The following CAMK2D variants were observed in gnomAD, a reference collection of about 807,000 sequenced individuals.
CAMK2D encodes the protein calcium/calmodulin-dependent protein kinase type II subunit delta.
CAMK2D carries 37 observed loss-of-function variants against 84.0 expected under a neutral mutation model. That is an observed-to-expected ratio of 0.44 (90% confidence interval 0.34 to 0.58). CAMK2D has a LOEUF of 0.58. Ranked by LOEUF, CAMK2D falls within the 20% of genes least tolerant of loss-of-function variation. CAMK2D has a pLI of 0.02. For synonymous variants in CAMK2D, 202 were observed against 212.5 expected, an observed-to-expected ratio of 0.95 and a Z score of 0.43; for missense variants, 448 against 652.5, an observed-to-expected ratio of 0.69 and a Z score of 3.41.
intron 7 of CAMK2D, 38 bp downstream of exon 7, chr4:113,537,300 CAGA>C: frequency 2.0e-6 from 2 of 1,024,532 alleles, no homozygotes; most frequent in Non-Finnish European, 1.5e-6. Context: ...ATTCAGAAGC[CAGA>C]AGACTATAGG....
intron 4 of CAMK2D, among the ~76,000 whole-genome samples, chr4:113,583,487 T>G (rs1407304112): frequency 8.6e-5 from 13 of 151,470 alleles, no homozygotes; most frequent in Admixed American, 8.5e-4. Context: ...AGTTGCAACT[T>G]GGACTCAACT....
At chr4:113,674,244 G>C (rs1377493733) in intron 2 of CAMK2D, among the ~76,000 whole-genome samples, 3 of 152,010 alleles carry the variant, frequency 2.0e-5, no homozygotes, top group African/African-American at 7.2e-5. Flanking sequence ...TATTGATTCT[G>C]ATATTGAATT....
intron 2 of CAMK2D, among the ~76,000 whole-genome samples, chr4:113,753,229 T>C (rs1159563988): frequency 6.6e-6 from 1 of 152,034 alleles, no homozygotes. Flanking sequence ...CTTGTAAATA[T>C]ATACTTATTG....
In CAMK2D at chr4:113,718,684, C is replaced by A. The variant is rs2099521160; in HGVS notation, c.160+40636G>T. On this transcript the variant is annotated intron_variant, in intron 2 of 20. Transcript: ENST00000511664. ...GGCTGTTTTCATCTTTGTTTCACAG[C>A]TAAACTATAAACTAAGTTCCTCCCG... Among the ~76,000 whole-genome samples the A allele has an allele frequency of 2.0e-5, 3 of 152,206 alleles. No individual in the cohort carries two copies. The South Asian group carries it at 6.2e-4, about 31-fold the overall frequency.
chr4:113,504,842 AAAAAC>A (rs1023475867), intron 14 of CAMK2D, 129 bp downstream of exon 14: 6 of 368,384 alleles, frequency 1.6e-5, no homozygotes, highest in Non-Finnish European at 2.4e-5. Flanking sequence ...AAAAAAAAAA[AAAAAC>A]AAAACCCAAC....
intron 4 of CAMK2D, among the ~76,000 whole-genome samples, chr4:113,576,257 C>T (rs757131737): frequency 2.0e-5 from 3 of 152,124 alleles, no homozygotes; most frequent in Non-Finnish European, 4.4e-5. Flanking sequence ...TGAAAATCTA[C>T]ATTCACAGAT....
chr4:113,591,326 C>A (rs1240126705), intron 4 of CAMK2D, among the ~76,000 whole-genome samples: 1 of 152,114 alleles, frequency 6.6e-6, no homozygotes, highest in Non-Finnish European at 1.5e-5. Context: ...TTTCTCTAAT[C>A]AGATTATTGT....
At chr4:113,595,888 C>A (rs556624844) in intron 4 of CAMK2D, among the ~76,000 whole-genome samples, 1 of 152,032 alleles carries the variant, frequency 6.6e-6, no homozygotes, top group Non-Finnish European at 1.5e-5. Flanking sequence ...GGGTGGCTGT[C>A]GTAGGTTCTT....
At chr4:113,658,208 A>G (rs778083784) in intron 3 of CAMK2D, among the ~76,000 whole-genome samples, 10 of 152,264 alleles carry the variant, frequency 6.6e-5, no homozygotes, top group Middle Eastern at 3.4e-3. Context: ...CACTGTTGTT[A>G]TTGATGTTTT....
At chr4:113,653,401 T>A (rs1309122480) in intron 3 of CAMK2D, among the ~76,000 whole-genome samples, 1 of 152,086 alleles carries the variant, frequency 6.6e-6, no homozygotes, top group Non-Finnish European at 1.5e-5. Context: ...TGCTTTTTGC[T>A]ACTAAATAGT....
chr4:113,696,658 C>T (rs1402810055), intron 2 of CAMK2D, among the ~76,000 whole-genome samples: 1 of 152,048 alleles, frequency 6.6e-6, no homozygotes, highest in Non-Finnish European at 1.5e-5. Flanking sequence ...ACACAGAAGC[C>T]GCACAGTAAT....
intron 6 of CAMK2D, among the ~76,000 whole-genome samples, chr4:113,539,533 G>A (rs559094501): frequency 1.3e-5 from 2 of 152,334 alleles, no homozygotes; most frequent in Non-Finnish European, 2.9e-5. Context: ...TGTGCCTCAA[G>A]CACCAAGTAT....
chr4:113,494,983 C>G (rs539828284), intron 16 of CAMK2D, among the ~76,000 whole-genome samples: 2 of 152,220 alleles, frequency 1.3e-5, no homozygotes, highest in Non-Finnish European at 2.9e-5. Flanking sequence ...GAGGCAATGC[C>G]TTGCCCTGCT....
intron 4 of CAMK2D, among the ~76,000 whole-genome samples, chr4:113,597,274 A>C (rs553653152): frequency 6.6e-6 from 1 of 152,358 alleles, no homozygotes; most frequent in South Asian, 2.1e-4. Flanking sequence ...ATCTTCCTCC[A>C]ATAGAAGATT....
At chr4:113,647,286 A>G (rs777637713) in intron 3 of CAMK2D, among the ~76,000 whole-genome samples, 1 of 152,238 alleles carries the variant, frequency 6.6e-6, no homozygotes, top group Non-Finnish European at 1.5e-5. Flanking sequence ...TGCTTACCGT[A>G]CAATTTCTAT....
At chr4:113,487,692 G>A (rs773075417) in intron 16 of CAMK2D, among the ~76,000 whole-genome samples, 13 of 151,978 alleles carry the variant, frequency 8.6e-5, no homozygotes, top group African/African-American at 1.4e-4. Flanking sequence ...TGGATATTCA[G>A]GTTGGTGAAC....
At chr4:113,594,513 T>C (rs892010970) in intron 4 of CAMK2D, among the ~76,000 whole-genome samples, 1 of 152,082 alleles carries the variant, frequency 6.6e-6, no homozygotes, top group Non-Finnish European at 1.5e-5. Flanking sequence ...AGGGCTTTAA[T>C]GGAAAAAATA....
intron 16 of CAMK2D, among the ~76,000 whole-genome samples, chr4:113,485,024 G>A (rs954323619): frequency 2.0e-5 from 3 of 152,070 alleles, no homozygotes; most frequent in Non-Finnish European, 4.4e-5. Context: ...AAATCCCCAC[G>A]TGGTTCAGTG....
intron 9 of CAMK2D, among the ~76,000 whole-genome samples, chr4:113,516,350 A>G (rs1201127279): frequency 6.6e-6 from 1 of 152,204 alleles, no homozygotes; most frequent in African/African-American, 2.4e-5. Context: ...GTCTTCTGAT[A>G]GCAAATGAGC....
Sources: gnomAD v4.1 joint callset for allele counts (sites outside exome capture counted in the v4.1 genomes callset) on GRCh38, gnomAD v4.1.1 for gene constraint, MANE v1.5 for transcripts, NCBI Gene and HGNC (gene_info 2026-07-23, HGNC 2026-07-21) for gene names.